Variants in CUX1 observed in about 807,000 individuals in gnomAD.
The protein encoded by CUX1 is cut like homeobox 1.
A neutral mutation model predicts 158.8 loss-of-function variants in CUX1; 31 were observed. The observed-to-expected ratio is 0.20, with a 90% confidence interval of 0.15 to 0.26. CUX1 has a LOEUF of 0.26. CUX1 is among the 10% of genes least tolerant of loss of function. The pLI is 1.00. For synonymous variants in CUX1, 879 were observed against 862.1 expected (o/e 1.02, Z -0.34); for missense variants, 1,589 against 2,014.6 (o/e 0.79, Z 4.04).
intron 2 of CUX1, among the ~76,000 whole-genome samples, chr7:101,928,929 C>T (rs1805966491): frequency 6.6e-6 from 1 of 151,808 alleles, no homozygotes; most frequent in Admixed American, 6.5e-5. Flanking sequence ...CTCGGCCTCC[C>T]AAAGTGCTGA....
intron 3 of CUX1, among the ~76,000 whole-genome samples, chr7:102,069,501 C>T (rs747643660): frequency 1.3e-5 from 2 of 152,204 alleles, no homozygotes; most frequent in African/African-American, 2.4e-5. Context: ...GTAATCCCCG[C>T]ACTTTGGGAG....
At chr7:101,996,167 A>G (rs1815854195) in intron 2 of CUX1, among the ~76,000 whole-genome samples, 1 of 151,852 alleles carries the variant, frequency 6.6e-6, no homozygotes, top group African/African-American at 2.4e-5. Context: ...CATTTTGGTG[A>G]TGATATCTGA....
intron 8 of CUX1, among the ~76,000 whole-genome samples, chr7:102,152,617 C>G (rs535324664): frequency 1.3e-5 from 2 of 152,284 alleles, no homozygotes; most frequent in African/African-American, 4.8e-5. Context: ...GTCTCGAACT[C>G]GCGACCTCAG....
chr7:101,973,458 G>T (rs1812242896), intron 2 of CUX1, among the ~76,000 whole-genome samples: 1 of 152,156 alleles, frequency 6.6e-6, no homozygotes, highest in South Asian at 2.1e-4. Context: ...GAGACTGGAG[G>T]GAGCAAGTTT....
downstream of CUX1, among the ~76,000 whole-genome samples, chr7:102,258,900 C>T (rs2694151): frequency 0.91 from 137,919 of 152,176 alleles, 62,744 homozygotes; most frequent in East Asian, 0.98. Context: ...AGATGGCGCT[C>T]GGGCTGGAGG....
At chr7:101,987,334 A>G (rs1419572200) in intron 2 of CUX1, among the ~76,000 whole-genome samples, 5 of 152,158 alleles carry the variant, frequency 3.3e-5, no homozygotes, top group Non-Finnish European at 7.3e-5. Flanking sequence ...AGGGGTGCAT[A>G]TGGACCGCTG....
chr7:102,111,676 G>C, intron 6 of CUX1, 22 bp from the exon 7 acceptor site: 1 of 1,612,752 alleles, frequency 6.2e-7, no homozygotes, highest in Non-Finnish European at 8.5e-7. Context: ...GACCAATTTG[G>C]CTTCGTCCTC....
chr7:102,281,834 T>C, intron 20 of CUX1: 1 of 1,608,848 alleles, frequency 6.2e-7, no homozygotes, highest in Non-Finnish European at 8.5e-7. Flanking sequence ...CCCTCCTTGC[T>C]CCCAGGGGCG....
chr7:102,219,876 T>G (rs1393025165), intron 20 of CUX1, among the ~76,000 whole-genome samples: 1 of 152,256 alleles, frequency 6.6e-6, no homozygotes, highest in Non-Finnish European at 1.5e-5. Context: ...TGGAGGACTG[T>G]TCCGATGGAG....
intron 2 of CUX1, among the ~76,000 whole-genome samples, chr7:102,020,577 G>T (rs889925276): frequency 6.6e-6 from 1 of 152,060 alleles, no homozygotes; most frequent in African/African-American, 2.4e-5. Flanking sequence ...CTGCTACCAG[G>T]ACCTTATAAA....
chr7:101,903,394 G>A (rs1802370330), intron 1 of CUX1, among the ~76,000 whole-genome samples: 1 of 152,304 alleles, frequency 6.6e-6, no homozygotes, highest in Admixed American at 6.5e-5. Context: ...GGTCCTTTGG[G>A]CTCCTTGCAG....
intron 4 of CUX1, among the ~76,000 whole-genome samples, chr7:102,071,781 GA>G (rs1826165271): frequency 6.6e-6 from 1 of 152,176 alleles, no homozygotes; most frequent in Non-Finnish European, 1.5e-5. Flanking sequence ...GACAGGGAAT[GA>G]GGAGACCCAG....
rs782789890 is a variant in CUX1, at chr7:102,227,659, C to T, written c.3423C>T (p.Asp1141=). ...AGCGGGTGAAGGAGGTGCTGACGGACAACAACCTCGGTAGGTTCTCCTCTC... is the reference window on the plus strand; with the variant it reads ...AGCGGGTGAAGGAGGTGCTGACGGATAACAACCTCGGTAGGTTCTCCTCTC... The part of the protein sequence containing the change: ...ITKRVKEVLT[D]NNLGQRLFGE... The change falls in exon 21 of 24, where the codon GAC becomes GAT. Residue 1141 remains aspartate (D), a synonymous_variant. Coordinates refer to ENST00000292535, the MANE Select transcript of CUX1 (RefSeq NM_181552.4). The T allele has an allele frequency of 9.9e-6, 16 of 1,609,012 alleles. No homozygotes were observed. The East Asian group carries it at 2.7e-4, about 27-fold the overall frequency.
intron 4 of CUX1, among the ~76,000 whole-genome samples, chr7:102,076,903 G>A (rs188256359): frequency 5.9e-5 from 9 of 151,894 alleles, no homozygotes; most frequent in Middle Eastern, 3.4e-3. Context: ...GCATGGTGGC[G>A]TTCGCCTGTA....
intron 22 of CUX1, among the ~76,000 whole-genome samples, chr7:102,238,679 C>T (rs1799854710): frequency 6.6e-6 from 1 of 152,168 alleles, no homozygotes; most frequent in South Asian, 2.1e-4. Context: ...GAACTCTTCT[C>T]AGTATCCCCA....
chr7:101,897,771 A>T (rs1281260307), intron 1 of CUX1, among the ~76,000 whole-genome samples: 1 of 151,626 alleles, frequency 6.6e-6, no homozygotes, highest in Non-Finnish European at 1.5e-5. Context: ...CTGAATAACC[A>T]TTTTTTTTCC....
chr7:102,090,427 A>T (rs371380629), intron 4 of CUX1, among the ~76,000 whole-genome samples: 1 of 150,378 alleles, frequency 6.6e-6, no homozygotes, highest in East Asian at 2.0e-4. Flanking sequence ...TCGCTCTGTC[A>T]CCCAGGCTGG....
Position 102,255,385 on chromosome 7 carries a change from CA to C in CUX1, c.*6356del, listed in dbSNP as rs58082112. On this transcript the variant is annotated 3_prime_UTR_variant, in exon 24 of 24. Transcript: ENST00000292535. Reference sequence around the variant, plus strand: ...GTTGGGCATTGTAGGCGAAAAATCCCAAAAAAAAAAAAAGACAAAAAAAAAA... The same window carrying C: ...GTTGGGCATTGTAGGCGAAAAATCCCAAAAAAAAAAAAGACAAAAAAAAAA... The C allele has an allele frequency of 1.8e-5, 16 of 883,576 alleles. No homozygotes were observed. The highest frequency in any genetic ancestry group is 5.7e-4 in the Middle Eastern group (1 of 1,748). The allele number at this position is 883,576 out of a possible 1,614,324, so 54.7% of individuals were successfully genotyped here. A position where few individuals can be genotyped will look rare whatever the true frequency, so the allele number is the denominator to read the frequency against.
intron 21 of CUX1, among the ~76,000 whole-genome samples, chr7:102,229,635 T>TTC: frequency 7.1e-6 from 1 of 140,570 alleles, no homozygotes. Flanking sequence ...TTTTTTTTTT[T>TTC]GAGACAGAGT....
Sources: gnomAD v4.1 joint callset for allele counts (sites outside exome capture counted in the v4.1 genomes callset) on GRCh38, gnomAD v4.1.1 for gene constraint, MANE v1.5 for transcripts, NCBI Gene and HGNC (gene_info 2026-07-23, HGNC 2026-07-21) for gene names.